XKR6: variants seen among roughly 807,000 people sequenced by gnomAD.
XKR6 encodes XK-related protein 6.
XKR6 carries 22 observed loss-of-function variants against 56.7 expected under a neutral mutation model. The observed-to-expected ratio is 0.39, with a 90% confidence interval of 0.28 to 0.55. The LOEUF is 0.55. Ranked by LOEUF, XKR6 falls within the 20% of genes least tolerant of loss-of-function variation. The pLI is 0.66. For synonymous variants in XKR6, 524 were observed against 387.8 expected (o/e 1.35, Z -4.13); for missense variants, 852 against 889.0 (o/e 0.96, Z 0.53).
intron 1 of XKR6, among the ~76,000 whole-genome samples, chr8:11,010,325 A>G (rs1479331300): frequency 2.6e-5 from 4 of 152,236 alleles, no homozygotes; most frequent in Admixed American, 2.6e-4. Context: ...TTGACATGAG[A>G]ATTGGGCAGG....
chr8:11,107,459 T>A (rs60921132), intron 1 of XKR6, among the ~76,000 whole-genome samples: 79,835 of 152,054 alleles, frequency 0.53, 24,651 homozygotes, highest in African/African-American at 0.85. Context: ...TGCTAGGATT[T>A]TAGGCGTGAG....
intron 1 of XKR6, among the ~76,000 whole-genome samples, chr8:11,140,547 T>G (rs900084773): frequency 4.6e-5 from 7 of 152,162 alleles, no homozygotes; most frequent in African/African-American, 1.7e-4. Context: ...TAAAGTGACC[T>G]TCAAGTATCA....
chr8:10,989,647 T>A (rs1797943001), intron 1 of XKR6, among the ~76,000 whole-genome samples: 1 of 152,214 alleles, frequency 6.6e-6, no homozygotes, highest in African/African-American at 2.4e-5. Context: ...TCAATAACAC[T>A]GGACCAATAT....
intron 1 of XKR6, among the ~76,000 whole-genome samples, chr8:10,965,001 A>G (rs1347806987): frequency 1.3e-5 from 2 of 152,046 alleles, no homozygotes; most frequent in Non-Finnish European, 2.9e-5. Flanking sequence ...TCCTCTTTAC[A>G]TCGCCTTCCC....
intron 1 of XKR6, among the ~76,000 whole-genome samples, chr8:11,128,268 C>T (rs1799928064): frequency 6.6e-6 from 1 of 152,218 alleles, no homozygotes; most frequent in South Asian, 2.1e-4. Flanking sequence ...CTCTCCCTGA[C>T]CTCTAAAGCC....
chr8:11,089,212 C>A (rs946131786), intron 1 of XKR6, among the ~76,000 whole-genome samples: 1 of 152,060 alleles, frequency 6.6e-6, no homozygotes, highest in Non-Finnish European at 1.5e-5. Flanking sequence ...CTTGTCTGAT[C>A]TAGAGTGCCA....
intron 1 of XKR6, among the ~76,000 whole-genome samples, chr8:11,093,728 C>T (rs191675766): frequency 1.4e-4 from 22 of 152,250 alleles, no homozygotes; most frequent in African/African-American, 5.3e-4. Flanking sequence ...AATAAATGTA[C>T]TCTCTATAAT....
Position 10,938,273 on chromosome 8 carries a change from C to T in XKR6, c.765-13443G>A, listed in dbSNP as rs1801286445. 3.9e-5 allele frequency among the ~76,000 whole-genome samples: 6 copies of T among 152,168 alleles called. No individual in the cohort carries two copies. The South Asian group carries it at 1.2e-3, about 32-fold the overall frequency. On this transcript the variant is annotated intron_variant, in intron 1 of 2. Coordinates refer to ENST00000416569, the MANE Select transcript of XKR6 (RefSeq NM_173683.4). ...CCTGCTTCGGCTCGCGCACGGTGCG[C>T]GCACCCACTGGCCTGCGCCCACTGT...
intron 1 of XKR6, among the ~76,000 whole-genome samples, chr8:10,990,895 CTTTTTTTT>C (rs59410799): frequency 3.3e-4 from 24 of 73,592 alleles, no homozygotes; most frequent in African/African-American, 8.9e-4. Flanking sequence ...TGGGGAATGT[CTTTTTTTT>C]TTTTTTTTTT....
chr8:11,169,679 G>T (rs1031815820), intron 1 of XKR6, among the ~76,000 whole-genome samples: 1 of 152,160 alleles, frequency 6.6e-6, no homozygotes, highest in African/African-American at 2.4e-5. Context: ...TTCTGCTAGG[G>T]ATGAAGAAAA....
chr8:11,015,677 C>T (rs1285189037), intron 1 of XKR6, among the ~76,000 whole-genome samples: 1 of 152,138 alleles, frequency 6.6e-6, no homozygotes, highest in Admixed American at 6.5e-5. Flanking sequence ...CCTCCAAAGA[C>T]TGGTTGAGCT....
At position 11,050,443 on chromosome 8, in the gene XKR6, C is replaced by G. The variant is rs2129159492; in HGVS notation, c.765-125613G>C. Reference sequence around the variant, plus strand: ...CTTCCAGCTCCGACAGTCTACAACTCTATGAAGAACAATGAGAAAAAGACA... The same window carrying G: ...CTTCCAGCTCCGACAGTCTACAACTGTATGAAGAACAATGAGAAAAAGACA... On this transcript the variant is annotated intron_variant, in intron 1 of 2. Transcript: ENST00000416569. 1.3e-5 allele frequency among the ~76,000 whole-genome samples: 2 copies of G among 151,966 alleles called. 1 individual carries two copies. The highest frequency in any genetic ancestry group is 4.2e-4 in the South Asian group (2 of 4,804).
chr8:10,919,730 T>C lies in XKR6; in HGVS notation c.961+4904A>G, dbSNP rs544910575. ...CCCTGTCTGACTTTTCCTACTGCAC[T>C]GGACTGCTTTTCCAACCCTTTCACA... is the stretch of plus-strand genomic sequence containing the variant. On this transcript the variant is annotated intron_variant, in intron 2 of 2. Transcript: ENST00000416569. Among the ~76,000 whole-genome samples, 6 of 152,342 alleles carry C rather than the reference T, an allele frequency of 3.9e-5. No individual in the cohort carries two copies. In the South Asian group the frequency reaches 8.3e-4, roughly 21 times the overall value.
At chr8:11,186,863 A>C (rs763374031) in intron 1 of XKR6, among the ~76,000 whole-genome samples, 1 of 152,238 alleles carries the variant, frequency 6.6e-6, no homozygotes, top group Admixed American at 6.5e-5. Context: ...CTATTGAGAA[A>C]ACAGGCTGTA....
At chr8:11,190,183 AAAAGAAAG>A (rs772557967) in intron 1 of XKR6, among the ~76,000 whole-genome samples, 110 of 130,724 alleles carry the variant, frequency 8.4e-4, no homozygotes, top group Non-Finnish European at 1.5e-3. Context: ...GAAAAGAAAG[AAAAGAAAG>A]AAAGAAAGAA....
intron 1 of XKR6, among the ~76,000 whole-genome samples, chr8:10,939,074 C>G (rs1801310644): frequency 6.6e-6 from 1 of 152,146 alleles, no homozygotes; most frequent in Non-Finnish European, 1.5e-5. Context: ...CCTGCTTCTC[C>G]CAGGACCTGC....
chr8:11,200,762 A>G lies in XKR6; in HGVS notation c.578T>C (p.Leu193Pro). Reference sequence around the variant, plus strand: ...GCTGGTGAGCCCCTCCACGGCGCCCAGCCCGCCGCCCGTGTAGTCCTGCAC... The same window carrying G: ...GCTGGTGAGCCCCTCCACGGCGCCCGGCCCGCCGCCCGTGTAGTCCTGCAC... ...WFVQDYTGGG[L>P]GAVEGLTSRG... The change falls in exon 1 of 3, where the codon CTG (leucine) becomes CCG (proline). Residue 193 changes from leucine to proline, a missense_variant. This residue lies in a region of XKR6 where 417 missense variants were observed against 355.2 expected (regional missense o/e 1.17). Transcript: ENST00000416569. This position sits in a 1 kb window ranked among gnomAD's most constrained non-coding sequence, Gnocchi z 6.4. 1 of 1,599,396 alleles carries G rather than the reference A, an allele frequency of 6.3e-7. No homozygotes were observed. Among genetic ancestry groups the G allele is most frequent in the Middle Eastern group, 1.7e-4 (1 of 6,020 alleles).
At chr8:10,905,208 T>C (rs970652875) in intron 2 of XKR6, among the ~76,000 whole-genome samples, 1 of 152,124 alleles carries the variant, frequency 6.6e-6, no homozygotes, top group African/African-American at 2.4e-5. Flanking sequence ...GGCAGGCCAC[T>C]TGCCCTCCTC....
intron 1 of XKR6, among the ~76,000 whole-genome samples, chr8:10,985,500 T>C (rs1484439040): frequency 6.6e-6 from 1 of 151,604 alleles, no homozygotes; most frequent in Non-Finnish European, 1.5e-5. Flanking sequence ...CTTGTTCCCT[T>C]AACCGTGACA....
Sources: allele counts gnomAD v4.1 joint callset (sites outside exome capture counted in the v4.1 genomes callset), GRCh38; gene constraint gnomAD v4.1.1; regional missense constraint gnomAD v4.1.1; non-coding constraint Gnocchi (gnomAD v3.1); transcripts MANE v1.5; gene names NCBI Gene and HGNC (gene_info 2026-07-23, HGNC 2026-07-21).